The following KHDRBS2 variants were observed in gnomAD, a reference collection of about 807,000 sequenced individuals.
KHDRBS2 encodes KH domain-containing, RNA-binding, signal transduction-associated protein 2.
In KHDRBS2, 26 loss-of-function variants were observed where a neutral mutation model predicts 44.3. The ratio of observed to expected loss-of-function variants is 0.59; its 90% confidence interval spans 0.43 to 0.81. The LOEUF (loss-of-function observed/expected upper bound fraction) is 0.81. Among genes scored for constraint, KHDRBS2 ranks in the 40% least tolerant of loss-of-function variants. The probability of loss-of-function intolerance (pLI) is 0.00; values close to 1 mark genes in which losing one functional copy is unlikely to be tolerated. For synonymous variants in KHDRBS2, 194 were observed against 151.1 expected (o/e 1.28, Z -2.08); for missense variants, 476 against 433.1 (o/e 1.10, Z -0.88).
the KHDRBS2 span, among the ~76,000 whole-genome samples, chr6:61,631,661 C>T: frequency 0.83 from 125,659 of 152,082 alleles, 52,173 homozygotes; most frequent in Non-Finnish European, 0.87. Flanking sequence ...TGGCAGAAAT[C>T]CTTCTAAAGC....
At chr6:61,848,850 A>G (rs892439613) in intron 6 of KHDRBS2, among the ~76,000 whole-genome samples, 4 of 151,816 alleles carry the variant, frequency 2.6e-5, no homozygotes, top group Admixed American at 6.6e-5. Context: ...GACCTATGAT[A>G]AGTTGAAAAG....
At chr6:62,117,497 GGTT>G (rs1249933109) in intron 2 of KHDRBS2, among the ~76,000 whole-genome samples, 1 of 151,874 alleles carries the variant, frequency 6.6e-6, no homozygotes, top group Non-Finnish European at 1.5e-5. Context: ...TAAGTATTTT[GGTT>G]GTTATTTTCT....
chr6:62,120,778 C>A (rs1807439124), intron 2 of KHDRBS2, among the ~76,000 whole-genome samples: 1 of 152,044 alleles, frequency 6.6e-6, no homozygotes. Flanking sequence ...GGACTTGAAC[C>A]AGTTTACAGA....
intron 4 of KHDRBS2, among the ~76,000 whole-genome samples, chr6:61,964,164 T>C (rs1380117721): frequency 1.3e-5 from 2 of 152,100 alleles, no homozygotes; most frequent in African/African-American, 4.8e-5. Flanking sequence ...AGCCAAGATT[T>C]ATCACTTACA....
intron 1 of KHDRBS2, among the ~76,000 whole-genome samples, chr6:62,231,473 C>T (rs767386816): frequency 1.3e-5 from 2 of 152,160 alleles, no homozygotes; most frequent in Non-Finnish European, 2.9e-5. Flanking sequence ...AATCATCTCC[C>T]TCCCTCTACC....
chr6:62,065,534 C>A (rs1356042876), intron 2 of KHDRBS2, among the ~76,000 whole-genome samples: 1 of 147,582 alleles, frequency 6.8e-6, no homozygotes, highest in Non-Finnish European at 1.5e-5. Flanking sequence ...ATCGCAAGAA[C>A]AAAAAACCAA....
chr6:62,090,546 T>C (rs1799304011), intron 2 of KHDRBS2, among the ~76,000 whole-genome samples: 1 of 151,534 alleles, frequency 6.6e-6, no homozygotes, highest in South Asian at 2.1e-4. Context: ...CACCTAGTGG[T>C]TATAGGAAAG....
intron 1 of KHDRBS2, among the ~76,000 whole-genome samples, chr6:62,275,973 C>A (rs1295976547): frequency 1.3e-5 from 2 of 152,184 alleles, no homozygotes; most frequent in Non-Finnish European, 2.9e-5. Flanking sequence ...CTTTCTTCTT[C>A]TCAAAATTAA....
intron 6 of KHDRBS2, among the ~76,000 whole-genome samples, chr6:61,844,373 T>C (rs1794059119): frequency 6.6e-6 from 1 of 152,182 alleles, no homozygotes; most frequent in Admixed American, 6.5e-5. Context: ...AGTATAATTT[T>C]CAGCATATTT....
chr6:62,114,859 GTAA>G (rs910794047), intron 2 of KHDRBS2, among the ~76,000 whole-genome samples: 5 of 148,536 alleles, frequency 3.4e-5, no homozygotes, highest in Admixed American at 6.7e-5. Context: ...ATTACAATAT[GTAA>G]TAATAATAAA....
intron 1 of KHDRBS2, 138 bp from the exon 2 acceptor site, chr6:62,177,450 C>T: frequency 1.5e-6 from 1 of 647,830 alleles, no homozygotes; most frequent in Non-Finnish European, 2.5e-6. Context: ...GATAAAAGGC[C>T]TGAAACAGCA....
intron 3 of KHDRBS2, among the ~76,000 whole-genome samples, chr6:62,017,411 A>AATT (rs369883364): frequency 8.3e-4 from 126 of 152,302 alleles, no homozygotes; most frequent in African/African-American, 2.8e-3. Context: ...GATCTGAAAT[A>AATT]ATTATCTTTT....
At chr6:61,602,835 T>C in the KHDRBS2 span, among the ~76,000 whole-genome samples, 1 of 152,136 alleles carries the variant, frequency 6.6e-6, no homozygotes, top group South Asian at 2.1e-4. Flanking sequence ...TCCTTTTTAG[T>C]TATCCCCACC....
chr6:61,751,212 C>T (rs571654310), intron 6 of KHDRBS2, among the ~76,000 whole-genome samples: 24 of 152,200 alleles, frequency 1.6e-4, no homozygotes, highest in African/African-American at 5.5e-4. Context: ...CTTACATTTT[C>T]CATCATACTT....
intron 6 of KHDRBS2, among the ~76,000 whole-genome samples, chr6:61,893,715 C>G (rs1802412455): frequency 6.6e-6 from 1 of 151,944 alleles, no homozygotes; most frequent in African/African-American, 2.4e-5. Context: ...CACATGGACA[C>G]AGGAAGGGGA....
intron 3 of KHDRBS2, among the ~76,000 whole-genome samples, chr6:62,043,537 G>A (rs895799851): frequency 1.6e-4 from 24 of 152,026 alleles, no homozygotes; most frequent in African/African-American, 5.6e-4. Flanking sequence ...TAGGATGTGA[G>A]TTCATATATT....
At chr6:61,918,669 T>C (rs1007949511) in intron 4 of KHDRBS2, among the ~76,000 whole-genome samples, 4 of 151,976 alleles carry the variant, frequency 2.6e-5, no homozygotes, top group African/African-American at 4.8e-5. Flanking sequence ...TAGGACAGTC[T>C]GAGCTAAGAC....
At chr6:61,870,166 G>C (rs1798450245) in intron 6 of KHDRBS2, among the ~76,000 whole-genome samples, 1 of 152,100 alleles carries the variant, frequency 6.6e-6, no homozygotes, top group African/African-American at 2.4e-5. Context: ...GAAGCAGTCT[G>C]AGATGGACCT....
intron 8 of KHDRBS2, among the ~76,000 whole-genome samples, chr6:61,684,229 G>T (rs1766591709): frequency 1.3e-5 from 2 of 151,874 alleles, no homozygotes; most frequent in South Asian, 4.1e-4. Context: ...GTGTGTCATT[G>T]AACTTTATAT....
Sources: allele counts gnomAD v4.1 joint callset (sites outside exome capture counted in the v4.1 genomes callset), GRCh38; gene constraint gnomAD v4.1.1; transcripts MANE v1.5; gene names NCBI Gene and HGNC (gene_info 2026-07-23, HGNC 2026-07-21).